The following MAP4K1 variants were observed in gnomAD, a reference collection of about 807,000 sequenced individuals.
The protein encoded by MAP4K1 is MAPK/ERK kinase kinase kinase 1.
MAP4K1 carries 35 observed loss-of-function variants against 122.8 expected under a neutral mutation model. The observed-to-expected ratio is 0.29, with a 90% CI of 0.22 to 0.38. The LOEUF (loss-of-function observed/expected upper bound fraction) is 0.38. Among genes scored for constraint, MAP4K1 ranks in the 10% least tolerant of loss-of-function variants. The probability of loss-of-function intolerance (pLI) is 1.00; values close to 1 mark genes in which losing one functional copy is unlikely to be tolerated. For synonymous variants in MAP4K1, 412 were observed against 421.3 expected (o/e 0.98, Z 0.27); for missense variants, 791 against 1,072.6 (o/e 0.74, Z 3.67).
chr19:38,596,058 C>A, intron 26 of MAP4K1, 57 bp from the exon 27 acceptor site: 1 of 1,555,876 alleles, frequency 6.4e-7, no homozygotes, highest in Non-Finnish European at 8.9e-7. Context: ...TTCCCCACAC[C>A]ACCCCCAGAA....
At chr19:38,594,362 G>A (rs1014240015) in intron 29 of MAP4K1, among the ~76,000 whole-genome samples, 22 of 152,086 alleles carry the variant, frequency 1.4e-4, no homozygotes, top group South Asian at 2.1e-4. Context: ...CAAACAGGCC[G>A]GGTGAAGTAG....
intron 29 of MAP4K1, among the ~76,000 whole-genome samples, chr19:38,593,737 C>T (rs1974794295): frequency 6.6e-6 from 1 of 152,066 alleles, no homozygotes; most frequent in South Asian, 2.1e-4. Flanking sequence ...AAAAATTAGC[C>T]AGCTGTGGTG....
At chr19:38,589,051 C>A (rs1399581177) in intron 30 of MAP4K1, 1 of 152,262 alleles carries the variant, frequency 6.6e-6, no homozygotes, top group African/African-American at 2.4e-5. Flanking sequence ...CCAACTAACA[C>A]ACGCAGAAGG....
intron 19 of MAP4K1, among the ~76,000 whole-genome samples, chr19:38,603,086 GTACATAT>G (rs1975178766): frequency 1.1e-4 from 7 of 61,562 alleles, no homozygotes; most frequent in Non-Finnish European, 2.5e-4. Flanking sequence ...ATATACACAT[GTACATAT>G]ATACACATGT....
intron 8 of MAP4K1, 37 bp downstream of exon 8, chr19:38,613,843 C>T (rs766929696): frequency 2.5e-5 from 39 of 1,540,704 alleles, no homozygotes; most frequent in Non-Finnish European, 3.3e-5. Flanking sequence ...CCACTGACCC[C>T]CACTCCACCC....
At chr19:38,594,955 T>TTTTA (rs1172023010) in intron 29 of MAP4K1, among the ~76,000 whole-genome samples, 1 of 90,554 alleles carries the variant, frequency 1.1e-5, no homozygotes, top group African/African-American at 4.7e-5. Flanking sequence ...AATAAATAAA[T>TTTTA]TTTATCTATC....
chr19:38,612,635 G>A lies in MAP4K1; in HGVS notation c.641C>T (p.Pro214Leu). Residue 214 changes from proline to leucine, a missense_variant, in exon 9 of 31, where the codon CCG (proline) becomes CTG (leucine). Pro to Leu is a moderately conservative substitution (Grantham distance 98). Transcript: ENST00000396857. ...TAIELAELQP[P>L]LFDVHPLRVL... is the part of the protein sequence containing the mutation. ...CCTGAGAGGGTGCACATCAAAGAGC[G>A]GTGGCTGTAGCTCGGCCAGTTCGAT... 2.5e-6 allele frequency: 4 copies of A among 1,613,406 alleles called. No homozygotes were observed. Among genetic ancestry groups the A allele is most frequent in the Admixed American group, 1.7e-5 (1 of 59,988 alleles).
intron 13 of MAP4K1, 66 bp from the exon 14 acceptor site, chr19:38,608,236 G>T: frequency 1.4e-6 from 1 of 705,446 alleles, no homozygotes. Flanking sequence ...ATGGGTTTAA[G>T]AACAGAAAGA....
At chr19:38,608,633 T>TA (rs921225364) in intron 13 of MAP4K1, among the ~76,000 whole-genome samples, 15 of 149,188 alleles carry the variant, frequency 1.0e-4, no homozygotes, top group East Asian at 5.9e-4. Flanking sequence ...CCGTCTCTAC[T>TA]AAAAAAAAAT....
chr19:38,590,912 A>G (rs1387398776), intron 30 of MAP4K1, among the ~76,000 whole-genome samples: 4 of 151,800 alleles, frequency 2.6e-5, no homozygotes, highest in Non-Finnish European at 5.9e-5. Context: ...GAAGTATTTT[A>G]GGGGTAAATG....
At chr19:38,616,333 TTC>T in intron 3 of MAP4K1, 74 bp from the exon 4 acceptor site, 2 of 1,156,386 alleles carry the variant, frequency 1.7e-6, no homozygotes, top group South Asian at 2.9e-5. Flanking sequence ...CCTGGTTTGC[TTC>T]TGTCTTGTTC....
Position 38,596,355 on chromosome 19 carries a change from C to T in MAP4K1, c.2073G>A (p.Val691=). 4 of 1,602,650 alleles carry T rather than the reference C, an allele frequency of 2.5e-6. No homozygotes were observed. Among genetic ancestry groups the T allele is most frequent in the Non-Finnish European group, 3.4e-6 (4 of 1,176,308 alleles). The change falls in exon 26 of 31, where the codon GTG becomes GTA. Residue 691 remains valine, a synonymous_variant. Transcript: ENST00000396857. ...GCCAGCAAGAGAGCGCGCCAAAGCG[C>T]ACCGTGTGGAAGAGCACCGACTTCC... ...RPGKSVLFHT[V]RFGALSCWLG...
chr19:38,593,217 C>T, intron 30 of MAP4K1, 65 bp downstream of exon 30: 2 of 1,501,378 alleles, frequency 1.3e-6, no homozygotes, highest in Non-Finnish European at 1.8e-6. Flanking sequence ...GGGGACACCT[C>T]AGAATGCTCT....
chr19:38,601,686 A>G, intron 19 of MAP4K1, 161 bp from the exon 20 acceptor site: 1 of 571,276 alleles, frequency 1.8e-6, no homozygotes, highest in Non-Finnish European at 3.1e-6. Context: ...ACACTTTTTC[A>G]TACATTGAGT....
intron 19 of MAP4K1, among the ~76,000 whole-genome samples, chr19:38,605,019 G>A (rs906308485): frequency 1.3e-5 from 2 of 151,162 alleles, no homozygotes; most frequent in East Asian, 1.9e-4. Context: ...CTAGGGAGGC[G>A]GAGGTTGTAG....
At chr19:38,590,468 ATTT>A (rs1054674876) in intron 30 of MAP4K1, among the ~76,000 whole-genome samples, 6 of 131,622 alleles carry the variant, frequency 4.6e-5, no homozygotes, top group African/African-American at 1.7e-4. Context: ...AACGGGTGAA[ATTT>A]TTTGTTGTTG....
At chr19:38,592,832 G>A (rs957064973) in intron 30 of MAP4K1, among the ~76,000 whole-genome samples, 7 of 148,498 alleles carry the variant, frequency 4.7e-5, no homozygotes, top group South Asian at 2.2e-4. Context: ...CAAGAGAATC[G>A]CTTGAACCTG....
intron 30 of MAP4K1, among the ~76,000 whole-genome samples, chr19:38,590,389 AAAAAAATATATATATATATATATATAT>A (rs1313021605): frequency 6.4e-5 from 3 of 46,912 alleles, no homozygotes; most frequent in African/African-American, 2.2e-4. Flanking sequence ...AAAAAAAAAA[AAAAAAATATATATATATATATATATAT>A]ATATATATAT....
chr19:38,601,675 T>A (rs1975069897), intron 19 of MAP4K1, 150 bp from the exon 20 acceptor site: 2 of 597,156 alleles, frequency 3.3e-6, no homozygotes, highest in African/African-American at 4.0e-5. Context: ...ATCCCTGTAA[T>A]ACACTTTTTC....
Sources: gnomAD v4.1 joint callset for allele counts (sites outside exome capture counted in the v4.1 genomes callset) on GRCh38, gnomAD v4.1.1 for gene constraint, MANE v1.5 for transcripts, NCBI Gene and HGNC (gene_info 2026-07-23, HGNC 2026-07-21) for gene names.